The following CDKN2B-AS1 variants were observed in gnomAD, a reference collection of about 807,000 sequenced individuals.
The protein encoded by CDKN2B-AS1 is CDKN2B antisense RNA 1 (non-protein coding).
intron 4 of CDKN2B-AS1, among the ~76,000 whole-genome samples, chr9:22,121,409 C>T (rs766709499): frequency 1.3e-5 from 2 of 151,870 alleles, no homozygotes; most frequent in South Asian, 2.1e-4. Context: ...TACATAGTGG[C>T]GCTTTGATAT....
chr9:22,044,697 C>T (rs1243984027), intron 1 of CDKN2B-AS1, among the ~76,000 whole-genome samples: 1 of 151,822 alleles, frequency 6.6e-6, no homozygotes, highest in Non-Finnish European at 1.5e-5. Context: ...CTCCTCCCTC[C>T]CCCTCCTTCC....
chr9:22,022,302 G>T (rs1025602084), intron 1 of CDKN2B-AS1, among the ~76,000 whole-genome samples: 5 of 151,896 alleles, frequency 3.3e-5, no homozygotes, highest in African/African-American at 1.2e-4. Flanking sequence ...CTCTTTGAAG[G>T]TCTGTAAGAA....
At chr9:22,032,152 T>C (rs1331734541) in intron 1 of CDKN2B-AS1, among the ~76,000 whole-genome samples, 1 of 152,132 alleles carries the variant, frequency 6.6e-6, no homozygotes, top group Admixed American at 6.5e-5. Flanking sequence ...GAGGTTTTTT[T>C]TGGGGGGAGA....
intron 1 of CDKN2B-AS1, among the ~76,000 whole-genome samples, chr9:22,015,211 T>C (rs1157498487): frequency 1.3e-5 from 2 of 152,196 alleles, no homozygotes; most frequent in African/African-American, 4.8e-5. Flanking sequence ...GTTGAACTAG[T>C]TTACAGTCCC....
At chr9:22,010,091 A>G (rs1821422293) in intron 1 of CDKN2B-AS1, among the ~76,000 whole-genome samples, 1 of 152,324 alleles carries the variant, frequency 6.6e-6, no homozygotes, top group African/African-American at 2.4e-5. Context: ...TTTGTCAGGT[A>G]TCTTATTTTT....
intron 1 of CDKN2B-AS1, chr9:22,046,249 C>T (rs1184883899): frequency 6.6e-6 from 1 of 152,090 alleles, no homozygotes; most frequent in East Asian, 1.9e-4. Flanking sequence ...GAAGTTTATG[C>T]ATATCATTTT....
Position 22,001,573 on chromosome 9 carries a change from ATAT to A in CDKN2B-AS1, n.29+6418_29+6420del, listed in dbSNP as rs1402073757. Among the ~76,000 whole-genome samples, 2 of 152,136 alleles carry A rather than the reference ATAT, an allele frequency of 1.3e-5. No individual in the cohort carries two copies. Among genetic ancestry groups the A allele is most frequent in the East Asian group, 1.9e-4 (1 of 5,208 alleles). ...TTAATATACAATCCATGCCAATTAC[ATAT>A]TATTAATTAGTGGCACTAGTATTAG... On this transcript the variant is annotated intron_variant and non_coding_transcript_variant, in intron 1 of 4. Coordinates refer to ENST00000650946, the Ensembl canonical transcript of CDKN2B-AS1. The surrounding 1 kb of genome is among the most constrained non-coding windows in gnomAD (Gnocchi z 4.2).
intron 1 of CDKN2B-AS1, among the ~76,000 whole-genome samples, chr9:22,040,337 C>T (rs2131262944): frequency 6.6e-6 from 1 of 152,110 alleles, no homozygotes; most frequent in African/African-American, 2.4e-5. Flanking sequence ...ATGACAAGTT[C>T]AAGGTGTCAT....
rs3217987 is a variant in CDKN2B-AS1 at position 22,005,062 on chromosome 9, A to G, written n.29+9901A>G. The G allele has an allele frequency of 1.5e-3, 349 of 233,284 alleles. 1 individual carries two copies. The highest frequency in any genetic ancestry group is 7.1e-3 in the African/African-American group (321 of 45,450). 14.5% of individuals were successfully genotyped at this position (233,284 alleles called of 1,614,324 possible). A position where few individuals can be genotyped will look rare whatever the true frequency, so the allele number is the denominator to read the frequency against. ...GCTGAACAACTAAAAAGTACAAAAT[A>G]TCACAAAATCAAAAAGTAGCAAGTC... is the stretch of plus-strand genomic sequence containing the variant. On this transcript the variant is annotated intron_variant and non_coding_transcript_variant, in intron 1 of 4. Coordinates refer to ENST00000650946, the Ensembl canonical transcript of CDKN2B-AS1. This position sits in a 1 kb window ranked among gnomAD's most constrained non-coding sequence, Gnocchi z 4.9.
intron 4 of CDKN2B-AS1, among the ~76,000 whole-genome samples, chr9:22,058,100 A>G (rs1187873487): frequency 6.6e-6 from 1 of 151,626 alleles, no homozygotes; most frequent in Non-Finnish European, 1.5e-5. Flanking sequence ...AGGCTGAGGC[A>G]GGAGATTTGC....
intron 4 of CDKN2B-AS1, chr9:22,059,017 C>T (rs1206636610): frequency 6.5e-6 from 1 of 152,770 alleles, no homozygotes; most frequent in Non-Finnish European, 1.5e-5. Context: ...CTGGGTCCCT[C>T]CCTCAACATG....
intron 4 of CDKN2B-AS1, among the ~76,000 whole-genome samples, chr9:22,087,775 T>C (rs995379475): frequency 6.6e-6 from 1 of 152,226 alleles, no homozygotes; most frequent in African/African-American, 2.4e-5. Flanking sequence ...TTTAAAAAAT[T>C]ATATCCATTT....
exon 5 of CDKN2B-AS1, among the ~76,000 whole-genome samples, chr9:22,127,121 G>T (rs764696975): frequency 4.6e-5 from 7 of 151,702 alleles, no homozygotes; most frequent in African/African-American, 1.7e-4. Flanking sequence ...TCACTCTGTC[G>T]CCCAGGCTGG....
chr9:22,017,468 G>T (rs1181913810), intron 1 of CDKN2B-AS1, among the ~76,000 whole-genome samples: 1 of 152,104 alleles, frequency 6.6e-6, no homozygotes, highest in Non-Finnish European at 1.5e-5. Context: ...GCTTTTTCAG[G>T]TGTACACACA....
intron 4 of CDKN2B-AS1, among the ~76,000 whole-genome samples, chr9:22,109,069 T>C (rs548949784): frequency 1.3e-5 from 2 of 152,190 alleles, no homozygotes; most frequent in African/African-American, 4.8e-5. Flanking sequence ...TTAGGGACAC[T>C]TTCAGCAATT....
intron 1 of CDKN2B-AS1, among the ~76,000 whole-genome samples, chr9:22,023,863 T>C (rs1000520585): frequency 6.6e-6 from 1 of 152,234 alleles, no homozygotes; most frequent in Non-Finnish European, 1.5e-5. Context: ...TTAGTTCCTT[T>C]GCATTTTGTT....
chr9:22,032,300 T>C (rs1822511075), intron 1 of CDKN2B-AS1, among the ~76,000 whole-genome samples: 1 of 152,142 alleles, frequency 6.6e-6, no homozygotes. Flanking sequence ...ACTGGACACC[T>C]TTTCTTTTTC....
At chr9:22,045,933 G>T (rs1275579207) in intron 1 of CDKN2B-AS1, among the ~76,000 whole-genome samples, 1 of 152,028 alleles carries the variant, frequency 6.6e-6, no homozygotes, top group Middle Eastern at 3.4e-3. Context: ...TACACAAATT[G>T]GACCTAAAAT....
chr9:22,061,138 GC>G (rs1432284696), intron 4 of CDKN2B-AS1, among the ~76,000 whole-genome samples: 1 of 152,132 alleles, frequency 6.6e-6, no homozygotes, highest in East Asian at 1.9e-4. Flanking sequence ...CAGCTAGATG[GC>G]CCCACCAAGC....
Sources: allele counts gnomAD v4.1 joint callset (sites outside exome capture counted in the v4.1 genomes callset), GRCh38; gene constraint gnomAD v4.1.1; non-coding constraint Gnocchi (gnomAD v3.1); transcripts MANE v1.5; gene names NCBI Gene and HGNC (gene_info 2026-07-23, HGNC 2026-07-21).